The following NPAS3 variants were observed in gnomAD, a reference collection of about 807,000 sequenced individuals.
NPAS3 encodes neuronal PAS domain protein 3, also known as neuronal PAS domain-containing protein 3.
NPAS3 carries 14 observed loss-of-function variants against 73.1 expected under a neutral mutation model. That is an observed-to-expected ratio of 0.19 (90% CI 0.13 to 0.30). The LOEUF (loss-of-function observed/expected upper bound fraction) is 0.30, where lower values mean the gene tolerates loss of function less well. Ranked by LOEUF, NPAS3 falls within the 10% of genes least tolerant of loss-of-function variation. NPAS3 has a pLI of 1.00. For synonymous variants in NPAS3, 620 were observed against 541.5 expected (o/e 1.14, Z -2.01); for missense variants, 1,096 against 1,250.0 (o/e 0.88, Z 1.86).
intron 2 of NPAS3, among the ~76,000 whole-genome samples, chr14:33,117,392 G>T (rs1410856103): frequency 6.6e-6 from 1 of 152,068 alleles, no homozygotes; most frequent in African/African-American, 2.4e-5. Flanking sequence ...TCTGCTGAAG[G>T]TGTCACTTGC....
chr14:32,993,673 C>T (rs988707043), intron 1 of NPAS3, among the ~76,000 whole-genome samples: 1 of 152,060 alleles, frequency 6.6e-6, no homozygotes, highest in Non-Finnish European at 1.5e-5. Flanking sequence ...AAGTGCTGGG[C>T]TTTACTGACA....
chr14:33,322,021 C>T (rs1268915980), intron 3 of NPAS3, among the ~76,000 whole-genome samples: 1 of 152,124 alleles, frequency 6.6e-6, no homozygotes, highest in Non-Finnish European at 1.5e-5. Context: ...AGGGAAGGGG[C>T]CTGTGCTGCC....
At chr14:33,279,443 A>T (rs2041490240) in intron 3 of NPAS3, among the ~76,000 whole-genome samples, 1 of 152,180 alleles carries the variant, frequency 6.6e-6, no homozygotes, top group Non-Finnish European at 1.5e-5. Flanking sequence ...GCCTAGAGTC[A>T]CCAGCTAATC....
At chr14:33,544,762 T>C (rs1403775220) in intron 4 of NPAS3, among the ~76,000 whole-genome samples, 3 of 117,110 alleles carry the variant, frequency 2.6e-5, no homozygotes, top group Non-Finnish European at 3.3e-5. Flanking sequence ...AGACAACATA[T>C]GCATGTATGT....
chr14:33,414,168 A>T (rs576323976), intron 4 of NPAS3, among the ~76,000 whole-genome samples: 1 of 152,114 alleles, frequency 6.6e-6, no homozygotes, highest in African/African-American at 2.4e-5. Context: ...TTGCAGCTAG[A>T]TAGGAAGGAA....
At chr14:33,302,490 A>T (rs1378633396) in intron 3 of NPAS3, among the ~76,000 whole-genome samples, 1 of 152,244 alleles carries the variant, frequency 6.6e-6, no homozygotes, top group Admixed American at 6.5e-5. Flanking sequence ...AGCCATCATT[A>T]TTAGTCTATG....
At chr14:33,298,730 G>C (rs1352649001) in intron 3 of NPAS3, among the ~76,000 whole-genome samples, 1 of 152,022 alleles carries the variant, frequency 6.6e-6, no homozygotes, top group Admixed American at 6.6e-5. Flanking sequence ...GGGGAAATTC[G>C]TTTAATAAAA....
intron 4 of NPAS3, among the ~76,000 whole-genome samples, chr14:33,498,268 G>T (rs1339294875): frequency 6.6e-6 from 1 of 152,162 alleles, no homozygotes; most frequent in Non-Finnish European, 1.5e-5. Flanking sequence ...TTCCACCATT[G>T]TGGAAGACAG....
intron 3 of NPAS3, among the ~76,000 whole-genome samples, chr14:33,318,097 T>C (rs958261846): frequency 5.3e-5 from 8 of 152,004 alleles, no homozygotes; most frequent in Non-Finnish European, 7.4e-5. Flanking sequence ...AACCCAGATA[T>C]TCATTGACAG....
intron 2 of NPAS3, among the ~76,000 whole-genome samples, chr14:33,117,183 A>T (rs2043095061): frequency 6.6e-6 from 1 of 151,624 alleles, no homozygotes; most frequent in Non-Finnish European, 1.5e-5. Context: ...CACTTCATGC[A>T]TTTATCATTT....
intron 7 of NPAS3, among the ~76,000 whole-genome samples, chr14:33,755,290 A>G (rs1418139454): frequency 6.6e-6 from 1 of 152,180 alleles, no homozygotes; most frequent in Admixed American, 6.6e-5. Context: ...TTCAGAATAT[A>G]TTGGCTTAGC....
intron 4 of NPAS3, among the ~76,000 whole-genome samples, chr14:33,370,295 A>T (rs2140432265): frequency 6.6e-6 from 1 of 152,340 alleles, no homozygotes; most frequent in South Asian, 2.1e-4. Context: ...AGCACCAAAG[A>T]AGACTTTTCA....
chr14:32,965,289 A>G (rs949248944), intron 1 of NPAS3, among the ~76,000 whole-genome samples: 1 of 152,190 alleles, frequency 6.6e-6, no homozygotes, highest in African/African-American at 2.4e-5. Context: ...ACAAATTAAC[A>G]TACATGCAAA....
chr14:33,669,438 G>A (rs1269250986), intron 5 of NPAS3, among the ~76,000 whole-genome samples: 2 of 152,036 alleles, frequency 1.3e-5, no homozygotes, highest in Non-Finnish European at 2.9e-5. Context: ...CAGTATTAAG[G>A]CATTCTCTAG....
rs191120448 is a variant in NPAS3, at chr14:33,689,741, C to T, written c.733+13356C>T. 5.6e-3 allele frequency among the ~76,000 whole-genome samples: 856 copies of T among 152,260 alleles called. 4 individuals carry two copies. Among genetic ancestry groups the T allele is most frequent in the Admixed American group, 8.7e-3 (133 of 15,284 alleles). On this transcript the variant is annotated intron_variant, in intron 6 of 11. Coordinates refer to ENST00000356141, the Ensembl canonical transcript of NPAS3. ...TCTATAATATACAATTTCTGTTTTG[C>T]AGATTCACGTTTTTTGTATGCTCAG...
chr14:32,951,116 G>C (rs1251768033), intron 1 of NPAS3, among the ~76,000 whole-genome samples: 1 of 152,068 alleles, frequency 6.6e-6, no homozygotes, highest in African/African-American at 2.4e-5. Flanking sequence ...ACCAGTGTCA[G>C]TCTTCCATTA....
At chr14:33,461,944 A>T (rs1387023675) in intron 4 of NPAS3, among the ~76,000 whole-genome samples, 4 of 152,236 alleles carry the variant, frequency 2.6e-5, no homozygotes, top group African/African-American at 9.6e-5. Flanking sequence ...TTTCAGTAGA[A>T]GTCAAGGGTT....
At chr14:33,323,818 A>T (rs2043567762) in intron 3 of NPAS3, among the ~76,000 whole-genome samples, 1 of 152,224 alleles carries the variant, frequency 6.6e-6, no homozygotes. Flanking sequence ...TAGCTTAATA[A>T]ATCATTCTGG....
At chr14:33,784,745 A>ATTTATTTTTTTTTTT (rs1471526546) in intron 9 of NPAS3, among the ~76,000 whole-genome samples, 9 of 73,840 alleles carry the variant, frequency 1.2e-4, no homozygotes, top group African/African-American at 4.4e-4. Flanking sequence ...TTATTTATTT[A>ATTTATTTTTTTTTTT]TTTTTTTTTT....
Sources: gnomAD v4.1 joint callset for allele counts (sites outside exome capture counted in the v4.1 genomes callset) on GRCh38, gnomAD v4.1.1 for gene constraint, MANE v1.5 for transcripts, NCBI Gene and HGNC (gene_info 2026-07-23, HGNC 2026-07-21) for gene names.